Variants in MLLT3 observed in about 807,000 individuals in gnomAD.
MLLT3 encodes the protein MLLT3 super elongation complex subunit.
Under a neutral mutation model 53.2 loss-of-function variants are expected in MLLT3, and 4 were observed. The ratio of observed to expected loss-of-function variants is 0.08; its 90% CI spans 0.04 to 0.17. MLLT3 has a LOEUF of 0.17. Among genes scored for constraint, MLLT3 ranks in the 10% least tolerant of loss-of-function variants. The pLI is 1.00. For synonymous variants in MLLT3, 283 were observed against 230.6 expected (o/e 1.23, Z -2.06); for missense variants, 569 against 684.0 (o/e 0.83, Z 1.87).
intron 4 of MLLT3, among the ~76,000 whole-genome samples, chr9:20,424,385 T>G (rs538679488): frequency 6.6e-6 from 1 of 152,192 alleles, no homozygotes; most frequent in Non-Finnish European, 1.5e-5. Flanking sequence ...TGCTTCCAAT[T>G]ATTTCAAAGG....
At chr9:20,353,422 G>T (rs779921237) in intron 10 of MLLT3, 103 bp downstream of exon 10, 3 of 949,114 alleles carry the variant, frequency 3.2e-6, no homozygotes, top group Non-Finnish European at 5.1e-6. Context: ...GCCAGGTTCT[G>T]ATAGCGTGGG....
chr9:20,487,299 C>G (rs1199521482), intron 2 of MLLT3, among the ~76,000 whole-genome samples: 2 of 152,134 alleles, frequency 1.3e-5, no homozygotes, highest in Non-Finnish European at 2.9e-5. Context: ...ACCTTTAATT[C>G]TAACTATCCA....
intron 5 of MLLT3, among the ~76,000 whole-genome samples, chr9:20,367,694 T>C (rs1821494225): frequency 6.6e-6 from 1 of 152,218 alleles, no homozygotes. Context: ...ATGCTCATAG[T>C]CTTAACTATA....
intron 2 of MLLT3, among the ~76,000 whole-genome samples, chr9:20,546,447 G>T (rs1333094275): frequency 1.3e-5 from 2 of 151,966 alleles, no homozygotes; most frequent in Admixed American, 6.6e-5. Flanking sequence ...GGAGACCAAG[G>T]CAGGAGGATT....
At chr9:20,429,503 A>T (rs903582432) in intron 4 of MLLT3, among the ~76,000 whole-genome samples, 2 of 152,208 alleles carry the variant, frequency 1.3e-5, no homozygotes, top group Admixed American at 1.3e-4. Flanking sequence ...ATATAAATGC[A>T]AAAATTTTTG....
At chr9:20,434,692 A>G (rs573377285) in intron 4 of MLLT3, among the ~76,000 whole-genome samples, 23 of 152,186 alleles carry the variant, frequency 1.5e-4, no homozygotes, top group Admixed American at 2.6e-4. Context: ...GCCTTTTCTA[A>G]TAAAAGGAAA....
At chr9:20,394,031 C>G (rs1822257999) in intron 5 of MLLT3, among the ~76,000 whole-genome samples, 1 of 152,180 alleles carries the variant, frequency 6.6e-6, no homozygotes, top group African/African-American at 2.4e-5. Context: ...ACAACTCTTT[C>G]AAATCATTCA....
In MLLT3 at chr9:20,533,646, G is replaced by A. The variant is rs1818401293; in HGVS notation, c.194-76860C>T. Among the ~76,000 whole-genome samples, 5 of 152,140 alleles carry A rather than the reference G, an allele frequency of 3.3e-5. No individual in the cohort carries two copies. The South Asian group carries it at 8.3e-4, about 25-fold the overall frequency. ...GCATTACTCACAATAGCCAAGATAT[G>A]AAAACAAGCCAAGTGTCCATCCACA... On this transcript the variant is annotated intron_variant, in intron 2 of 10. Transcript: ENST00000380338.
intron 2 of MLLT3, among the ~76,000 whole-genome samples, chr9:20,576,582 C>T (rs1418590505): frequency 1.3e-5 from 2 of 151,956 alleles, no homozygotes; most frequent in African/African-American, 4.8e-5. Flanking sequence ...ATGACTGGAG[C>T]AGTGGAGCAG....
At chr9:20,412,881 G>GT (rs1822764523) in intron 5 of MLLT3, among the ~76,000 whole-genome samples, 1 of 152,150 alleles carries the variant, frequency 6.6e-6, no homozygotes. Flanking sequence ...GAAGTGTAAG[G>GT]TTTACTACAG....
At position 20,346,379 on chromosome 9, in the gene MLLT3, C is replaced by CAAAAAAAAAAAAAAAAAAAAA; in HGVS notation, c.*63_*64insTTTTTTTTTTTTTTTTTTTTT. 1 of 982,276 alleles carries CAAAAAAAAAAAAAAAAAAAAA rather than the reference C, an allele frequency of 1.0e-6. No homozygotes were observed. Among genetic ancestry groups the CAAAAAAAAAAAAAAAAAAAAA allele is most frequent in the Non-Finnish European group, 1.3e-6 (1 of 760,718 alleles). 60.8% of individuals were successfully genotyped at this position (982,276 alleles called of 1,614,324 possible). A position where few individuals can be genotyped will look rare whatever the true frequency, so the allele number is the denominator to read the frequency against. On this transcript the variant is annotated 3_prime_UTR_variant, in exon 11 of 11. Coordinates refer to ENST00000380338, the MANE Select transcript of MLLT3 (RefSeq NM_004529.4). ...AACAACAAGAACAAAAAATCACAAC[C>CAAAAAAAAAAAAAAAAAAAAA]AAAAAAAAAAAAAACCAAAAAAAAA...
At position 20,343,413 on chromosome 9, in the gene MLLT3, T is replaced by G. The variant is rs1362053470; in HGVS notation, c.*3030A>C. 4.6e-6 allele frequency: 1 copy of G among 217,268 alleles called. No homozygotes were observed. The highest frequency in any genetic ancestry group is 9.2e-6 in the Non-Finnish European group (1 of 108,174). 13.5% of individuals were successfully genotyped at this position (217,268 alleles called of 1,614,324 possible). On this transcript the variant is annotated 3_prime_UTR_variant, in exon 11 of 11. Coordinates refer to ENST00000380338, the MANE Select transcript of MLLT3 (RefSeq NM_004529.4). ...CACTATATGAACGCATTTATAGACA[T>G]ACCTATTTGTCTGTATTAAGATTGA...
At chr9:20,367,316 G>A (rs1326481465) in intron 5 of MLLT3, among the ~76,000 whole-genome samples, 3 of 152,186 alleles carry the variant, frequency 2.0e-5, no homozygotes, top group African/African-American at 7.2e-5. Flanking sequence ...AGGTACAACA[G>A]TATTGCACTG....
At chr9:20,395,476 T>C (rs1822299319) in intron 5 of MLLT3, among the ~76,000 whole-genome samples, 2 of 152,174 alleles carry the variant, frequency 1.3e-5, no homozygotes, top group South Asian at 4.1e-4. Context: ...TAAAGTGGCA[T>C]TTTATGTGTA....
rs1049815021 is a variant in MLLT3 at position 20,620,243 on chromosome 9, C to G, written c.193+411G>C. Reference sequence around the variant, plus strand: ...TAATAACACAGGTAAATCTTAATTTCTCTAGGAAAACACACACACACACAC... The same window carrying G: ...TAATAACACAGGTAAATCTTAATTTGTCTAGGAAAACACACACACACACAC... On this transcript the variant is annotated intron_variant, in intron 2 of 10. Coordinates refer to ENST00000380338, the MANE Select transcript of MLLT3 (RefSeq NM_004529.4). The surrounding 1 kb of genome is among the most constrained non-coding windows in gnomAD (Gnocchi z 6.1). Among the ~76,000 whole-genome samples, 1 of 134,552 alleles carries G rather than the reference C, an allele frequency of 7.4e-6. No individual in the cohort carries two copies. Among genetic ancestry groups the G allele is most frequent in the Admixed American group, 7.7e-5 (1 of 13,036 alleles). 88.3% of individuals were successfully genotyped at this position (134,552 alleles called of 152,430 possible). A position where few individuals can be genotyped will look rare whatever the true frequency, so the allele number is the denominator to read the frequency against.
intron 2 of MLLT3, among the ~76,000 whole-genome samples, chr9:20,515,049 C>T (rs1011396925): frequency 6.1e-5 from 9 of 148,120 alleles, no homozygotes; most frequent in African/African-American, 1.0e-4. Context: ...CGGGTTCAGG[C>T]GATTCTCCTG....
intron 2 of MLLT3, among the ~76,000 whole-genome samples, chr9:20,583,539 T>C (rs1453970769): frequency 6.6e-6 from 1 of 152,152 alleles, no homozygotes; most frequent in East Asian, 1.9e-4. Flanking sequence ...AGCAAATTTT[T>C]CCCTGGGCAT....
chr9:20,353,405 G>A (rs1057365981), intron 10 of MLLT3, 120 bp downstream of exon 10: 4 of 800,796 alleles, frequency 5.0e-6, no homozygotes, highest in South Asian at 1.5e-5. Context: ...ATCTACAGGT[G>A]GCATTCGCCA....
At chr9:20,386,231 G>C (rs1822032949) in intron 5 of MLLT3, among the ~76,000 whole-genome samples, 1 of 152,186 alleles carries the variant, frequency 6.6e-6, no homozygotes, top group African/African-American at 2.4e-5. Context: ...GGTGTTACCA[G>C]TCAGTTTATG....
Sources: gnomAD v4.1 joint callset for allele counts (sites outside exome capture counted in the v4.1 genomes callset) on GRCh38, gnomAD v4.1.1 for gene constraint, Gnocchi (gnomAD v3.1) non-coding constraint, MANE v1.5 for transcripts, NCBI Gene and HGNC (gene_info 2026-07-23, HGNC 2026-07-21) for gene names.